The following CEP83 variants were observed in gnomAD, a reference collection of about 807,000 sequenced individuals.
CEP83 encodes the protein centrosomal protein of 83 kDa.
CEP83 carries 70 observed loss-of-function variants against 101.9 expected under a neutral mutation model. The ratio of observed to expected loss-of-function variants is 0.69; its 90% confidence interval spans 0.57 to 0.84. CEP83 has a LOEUF of 0.84. Ranked by LOEUF, CEP83 falls within the 40% of genes least tolerant of loss-of-function variation. The probability of loss-of-function intolerance (pLI) is 0.00; values close to 1 mark genes in which losing one functional copy is unlikely to be tolerated. For synonymous variants in CEP83, 264 were observed against 267.9 expected (o/e 0.99, Z 0.14); for missense variants, 715 against 787.2 (o/e 0.91, Z 1.10).
chr12:94,396,435 C>T (rs554065401), intron 6 of CEP83, among the ~76,000 whole-genome samples: 168 of 151,624 alleles, frequency 1.1e-3, no homozygotes, highest in African/African-American at 3.5e-3. Flanking sequence ...ACTACAGGTG[C>T]GTGCCACCAC....
intron 2 of CEP83, among the ~76,000 whole-genome samples, chr12:94,422,623 C>T (rs893011659): frequency 4.6e-5 from 7 of 152,296 alleles, no homozygotes; most frequent in Middle Eastern, 3.4e-3. Context: ...TTCCCCATCA[C>T]CCCACCCACA....
chr12:94,275,392 C>T, the CEP83 span, among the ~76,000 whole-genome samples: 3 of 152,316 alleles, frequency 2.0e-5, no homozygotes, highest in East Asian at 1.9e-4. Flanking sequence ...GTGTCTCCCC[C>T]GATGGGGTAC....
intron 1 of CEP83, among the ~76,000 whole-genome samples, chr12:94,457,655 A>C (rs567591205): frequency 6.6e-6 from 1 of 152,364 alleles, no homozygotes; most frequent in South Asian, 2.1e-4. Flanking sequence ...TTAGCAATAC[A>C]TAAGGGTATC....
chr12:94,312,993 A>G lies in CEP83; in HGVS notation c.1732T>C (p.Leu578=). 6.4e-7 allele frequency: 1 copy of G among 1,551,196 alleles called. No individual in the cohort carries two copies. The highest frequency in any genetic ancestry group is 8.8e-7 in the Non-Finnish European group (1 of 1,132,656). Residue 578 remains leucine (L), a synonymous_variant, in exon 15 of 17, where the codon TTG becomes CTG. Coordinates refer to ENST00000397809, the MANE Select transcript of CEP83 (RefSeq NM_016122.3). ...TCTACTTTCTCTTGTAGTCTTTTCA[A>G]TTTGTTTTCATGAAGAGATTTTCTC... ...KKRKSLHENK[L]KRLQEKVEVL...
intron 13 of CEP83, 28 bp downstream of exon 13, chr12:94,333,454 T>C (rs748861798): frequency 1.6e-5 from 25 of 1,581,566 alleles, no homozygotes; most frequent in Non-Finnish European, 2.1e-5. Flanking sequence ...AAAGAAAAAA[T>C]AGTTTGTACA....
intron 11 of CEP83, among the ~76,000 whole-genome samples, chr12:94,354,938 G>A (rs185738801): frequency 4.6e-5 from 7 of 152,172 alleles, no homozygotes; most frequent in African/African-American, 1.7e-4. Context: ...GGAGGTGGAG[G>A]TTGCAGTTAG....
At chr12:94,325,088 A>G (rs1469827035) in intron 14 of CEP83, among the ~76,000 whole-genome samples, 1 of 151,984 alleles carries the variant, frequency 6.6e-6, no homozygotes, top group Non-Finnish European at 1.5e-5. Flanking sequence ...CCTTTCCTTC[A>G]GTCTCTGCTC....
chr12:94,441,891 G>C (rs2066428108), intron 1 of CEP83, among the ~76,000 whole-genome samples: 1 of 147,732 alleles, frequency 6.8e-6, no homozygotes. Context: ...CTCCAGCCTG[G>C]GCGACAGAGC....
At chr12:94,281,430 T>A in the CEP83 span, among the ~76,000 whole-genome samples, 236 of 152,238 alleles carry the variant, frequency 1.6e-3, no homozygotes, top group Non-Finnish European at 3.0e-3. Flanking sequence ...CAGAAAGCAG[T>A]GGAGCTTGAC....
the CEP83 span, among the ~76,000 whole-genome samples, chr12:94,268,064 A>G: frequency 6.6e-6 from 1 of 152,182 alleles, no homozygotes; most frequent in Non-Finnish European, 1.5e-5. Context: ...CATCCTCACG[A>G]ACCACTTGAA....
rs539086512 is a variant in CEP83 at position 94,442,978 on chromosome 12, C to T, written c.-154-7651G>A. Among the ~76,000 whole-genome samples, 9 of 152,284 alleles carry T rather than the reference C, an allele frequency of 5.9e-5. No homozygotes were observed. The South Asian group carries it at 1.9e-3, about 32-fold the overall frequency. On this transcript the variant is annotated intron_variant, in intron 1 of 16. Coordinates refer to ENST00000397809, the MANE Select transcript of CEP83 (RefSeq NM_016122.3). ...GAAGCCTCCTAGACAGTGTCCCAGA[C>T]TTTAGTATTTTCTCATTCTTACATA...
chr12:94,403,230 T>C lies in CEP83; in HGVS notation c.357A>G (p.Arg119=). The change falls in exon 5 of 17, where the codon AGA becomes AGG. Residue 119 remains arginine (R), a synonymous_variant. Coordinates refer to ENST00000397809, the MANE Select transcript of CEP83 (RefSeq NM_016122.3). ...ILTPQKLELL[R]AQIQQELETP... Reference sequence around the variant, plus strand: ...TTTCTAATTCTTGTTGTATTTGGGCTCTTAGCAATTCCAATTTTTGTGGAG... The same window carrying C: ...TTTCTAATTCTTGTTGTATTTGGGCCCTTAGCAATTCCAATTTTTGTGGAG... 1 of 1,574,048 alleles carries C rather than the reference T, an allele frequency of 6.4e-7. No individual in the cohort carries two copies. Among genetic ancestry groups the C allele is most frequent in the Non-Finnish European group, 8.7e-7 (1 of 1,144,882 alleles).
chr12:94,433,541 T>C lies in CEP83; in HGVS notation c.-102+1734A>G, dbSNP rs180899592. Among the ~76,000 whole-genome samples the C allele has an allele frequency of 3.8e-4, 57 of 151,720 alleles. No individual in the cohort carries two copies. The Middle Eastern group carries it at 0.014, about 36-fold the overall frequency. ...AAGAAAAATACAAAAATTAGCCCGG[T>C]GTGGTAGCATGTGCCTATGGTCCCA... On this transcript the variant is annotated intron_variant, in intron 2 of 16. Transcript: ENST00000397809.
At chr12:94,283,483 TC>T in the CEP83 span, among the ~76,000 whole-genome samples, 9 of 152,302 alleles carry the variant, frequency 5.9e-5, no homozygotes, top group African/African-American at 2.2e-4. Flanking sequence ...AGGTTCACCT[TC>T]CCCATTGCCT....
At chr12:94,452,126 T>C (rs1300655604) in intron 1 of CEP83, among the ~76,000 whole-genome samples, 1 of 152,132 alleles carries the variant, frequency 6.6e-6, no homozygotes, top group Admixed American at 6.5e-5. Flanking sequence ...ATATGAAATA[T>C]GTAGAAAAGA....
intron 6 of CEP83, among the ~76,000 whole-genome samples, chr12:94,388,100 T>G (rs2062264745): frequency 2.0e-5 from 3 of 152,200 alleles, no homozygotes; most frequent in African/African-American, 7.2e-5. Context: ...GGAGAGTAAA[T>G]CATTCTATTA....
Position 94,364,848 on chromosome 12 carries a change from C to A in CEP83, c.1343+2946G>T, listed in dbSNP as rs148997836. 2.5e-3 allele frequency among the ~76,000 whole-genome samples: 375 copies of A among 152,184 alleles called. 1 individual carries two copies. Among genetic ancestry groups the A allele is most frequent in the African/African-American group, 8.6e-3 (357 of 41,520 alleles). ...TTAGAAAAAACTGATCAAATCCATA[C>A]CTCACAGCATACAAAAGAATACACT... On this transcript the variant is annotated intron_variant, in intron 11 of 16. Transcript: ENST00000397809.
At chr12:94,272,645 C>T in the CEP83 span, among the ~76,000 whole-genome samples, 6,802 of 152,286 alleles carry the variant, frequency 0.045, 247 homozygotes, top group African/African-American at 0.093. Context: ...GTGGCTCACA[C>T]CTGTAATCCC....
chr12:94,353,755 C>T (rs374993743), intron 11 of CEP83, among the ~76,000 whole-genome samples: 14 of 147,438 alleles, frequency 9.5e-5, no homozygotes, highest in African/African-American at 3.5e-4. Context: ...ACACTCCATG[C>T]AAAGAGAAAC....
Sources: gnomAD v4.1 joint callset for allele counts (sites outside exome capture counted in the v4.1 genomes callset) on GRCh38, gnomAD v4.1.1 for gene constraint, MANE v1.5 for transcripts, NCBI Gene and HGNC (gene_info 2026-07-23, HGNC 2026-07-21) for gene names.